The following PRKCI variants were observed in gnomAD, a reference collection of about 807,000 sequenced individuals.
PRKCI encodes the protein protein kinase C iota.
A neutral mutation model predicts 84.0 loss-of-function variants in PRKCI; 43 were observed. The observed-to-expected ratio is 0.51, with a 90% CI of 0.40 to 0.66. PRKCI has a LOEUF of 0.66. Ranked by LOEUF, PRKCI falls within the 30% of genes least tolerant of loss-of-function variation. The pLI is 0.00. For synonymous variants in PRKCI, 216 were observed against 234.4 expected, an observed-to-expected ratio of 0.92 and a Z score of 0.72; for missense variants, 459 against 745.6, an observed-to-expected ratio of 0.62 and a Z score of 4.48.
At chr3:170,267,380 AAAG>A (rs1397142146) in intron 4 of PRKCI, among the ~76,000 whole-genome samples, 1 of 152,110 alleles carries the variant, frequency 6.6e-6, no homozygotes, top group Non-Finnish European at 1.5e-5. Context: ...TTTAAAAAGA[AAAG>A]CAGTAGTAGG....
At chr3:170,254,494 T>C (rs1379530379) in intron 2 of PRKCI, among the ~76,000 whole-genome samples, 1 of 152,176 alleles carries the variant, frequency 6.6e-6, no homozygotes, top group Admixed American at 6.5e-5. Context: ...TGGCGAGAAA[T>C]AGGGGTCTAG....
intron 2 of PRKCI, among the ~76,000 whole-genome samples, chr3:170,254,916 T>G (rs1346748798): frequency 6.6e-6 from 1 of 152,042 alleles, no homozygotes; most frequent in South Asian, 2.1e-4. Flanking sequence ...CTTTCAGTAG[T>G]ATGGACATTT....
intron 1 of PRKCI, among the ~76,000 whole-genome samples, chr3:170,231,709 C>T (rs1732799078): frequency 1.3e-5 from 2 of 152,042 alleles, no homozygotes; most frequent in South Asian, 4.1e-4. Context: ...AGGTAATCCA[C>T]CCACCTTGGC....
intron 1 of PRKCI, among the ~76,000 whole-genome samples, chr3:170,228,205 T>C (rs559312539): frequency 6.6e-6 from 1 of 152,256 alleles, no homozygotes; most frequent in Admixed American, 6.5e-5. Flanking sequence ...CTAACCTATG[T>C]AGGAATGTGG....
At position 170,268,009 on chromosome 3, in the gene PRKCI, A is replaced by C; in HGVS notation, c.450+9A>C. On this transcript the variant is annotated intron_variant, in intron 5 of 17. Transcript: ENST00000295797. The stretch of plus-strand genomic sequence containing the variant: ...CCAAGCGTTTCAACAGGGTAAACAT[A>C]GTTTGTTGAATGTCGATAATGTGAA... 1 of 1,596,216 alleles carries C rather than the reference A, an allele frequency of 6.3e-7. No individual in the cohort carries two copies. The highest frequency in any genetic ancestry group is 1.1e-5 in the South Asian group (1 of 88,674).
chr3:170,232,605 C>T (rs899230847), intron 1 of PRKCI, among the ~76,000 whole-genome samples: 3 of 151,714 alleles, frequency 2.0e-5, no homozygotes, highest in Non-Finnish European at 4.4e-5. Flanking sequence ...CTTGCTCTGT[C>T]GCCCAAGCTG....
At chr3:170,259,823 T>G (rs1283122719) in intron 2 of PRKCI, 146 bp from the exon 3 acceptor site, 3 of 401,800 alleles carry the variant, frequency 7.5e-6, no homozygotes, top group Admixed American at 8.9e-5. Context: ...ATAATAATAA[T>G]AAGTAAATAA....
intron 6 of PRKCI, among the ~76,000 whole-genome samples, chr3:170,271,396 T>A (rs946349589): frequency 1.1e-4 from 16 of 152,208 alleles, no homozygotes; most frequent in Non-Finnish European, 1.5e-4. Flanking sequence ...AAGGACTTTT[T>A]TAAAAACCTA....
chr3:170,233,759 C>G (rs979549729), intron 1 of PRKCI, among the ~76,000 whole-genome samples: 1 of 151,818 alleles, frequency 6.6e-6, no homozygotes, highest in Non-Finnish European at 1.5e-5. Context: ...CTCACTTTAT[C>G]ATCCAGGCTG....
intron 4 of PRKCI, among the ~76,000 whole-genome samples, chr3:170,267,271 T>C (rs1171351400): frequency 1.3e-5 from 2 of 152,026 alleles, no homozygotes; most frequent in East Asian, 3.9e-4. Context: ...TGACAAAACA[T>C]GAATAATTGG....
At chr3:170,231,478 T>G (rs1732792701) in intron 1 of PRKCI, among the ~76,000 whole-genome samples, 1 of 151,960 alleles carries the variant, frequency 6.6e-6, no homozygotes, top group Admixed American at 6.6e-5. Flanking sequence ...TATTTTATGT[T>G]TTTTGAGACA....
At chr3:170,289,820 G>T (rs1268890197) in intron 12 of PRKCI, among the ~76,000 whole-genome samples, 7 of 152,148 alleles carry the variant, frequency 4.6e-5, no homozygotes, top group African/African-American at 1.4e-4. Flanking sequence ...GCTGAGGCAG[G>T]AGAATCGCTT....
intron 2 of PRKCI, 112 bp from the exon 3 acceptor site, chr3:170,259,857 G>T (rs890959793): frequency 1.4e-5 from 7 of 505,598 alleles, no homozygotes; most frequent in Non-Finnish European, 2.1e-5. Flanking sequence ...TCATATATTT[G>T]TTTATAAATA....
chr3:170,228,609 A>G (rs1732696175), intron 1 of PRKCI, among the ~76,000 whole-genome samples: 1 of 123,310 alleles, frequency 8.1e-6, no homozygotes, highest in Non-Finnish European at 1.7e-5. Flanking sequence ...ACAAATATAT[A>G]TATATATACA....
At chr3:170,276,084 C>T (rs1180799618) in intron 8 of PRKCI, among the ~76,000 whole-genome samples, 3 of 151,944 alleles carry the variant, frequency 2.0e-5, no homozygotes, top group African/African-American at 7.2e-5. Context: ...TAGCCCTGTG[C>T]CACCACACCC....
At chr3:170,258,814 G>A (rs1175117139) in intron 2 of PRKCI, among the ~76,000 whole-genome samples, 8 of 152,140 alleles carry the variant, frequency 5.3e-5, no homozygotes, top group Non-Finnish European at 1.2e-4. Flanking sequence ...TGACTCCTTT[G>A]AGGAGGCTCT....
intron 2 of PRKCI, among the ~76,000 whole-genome samples, chr3:170,242,632 A>G (rs752718736): frequency 4.0e-5 from 6 of 151,794 alleles, no homozygotes; most frequent in Non-Finnish European, 5.9e-5. Context: ...CATTATTTAT[A>G]ATGTAATGTA....
At chr3:170,238,273 G>C (rs1277621829) in intron 2 of PRKCI, among the ~76,000 whole-genome samples, 5 of 115,614 alleles carry the variant, frequency 4.3e-5, no homozygotes, top group Non-Finnish European at 7.5e-5. Context: ...TGAGGCAGGA[G>C]AATCACTTGA....
At position 170,304,115 on chromosome 3, in the gene PRKCI, GTAGCTCCT is replaced by G. The variant is rs1734896057; in HGVS notation, c.*989_*996del. 1 of 152,148 alleles carries G rather than the reference GTAGCTCCT, an allele frequency of 6.6e-6. No homozygotes were observed. Among genetic ancestry groups the G allele is most frequent in the African/African-American group, 2.4e-5 (1 of 41,408 alleles). The allele number at this position is 152,148 out of a possible 1,614,324, so 9.4% of individuals were successfully genotyped here. ...TTTTCTTTTTAAGTATATTAACAGG[GTAGCTCCT>G]GAGCCTTTCCCTTTATTGGAAACTT... On this transcript the variant is annotated 3_prime_UTR_variant, in exon 18 of 18. Transcript: ENST00000295797.
Sources: gnomAD v4.1 joint callset for allele counts (sites outside exome capture counted in the v4.1 genomes callset) on GRCh38, gnomAD v4.1.1 for gene constraint, MANE v1.5 for transcripts, NCBI Gene and HGNC (gene_info 2026-07-23, HGNC 2026-07-21) for gene names.